PANX1: variants seen among roughly 807,000 people sequenced by gnomAD.
The protein encoded by PANX1 is pannexin 1.
A neutral mutation model predicts 38.7 loss-of-function variants in PANX1; 30 were observed. That is an observed-to-expected ratio of 0.78 (90% CI 0.58 to 1.05). The LOEUF is 1.05. PANX1 is among the 50% of genes least tolerant of loss of function. The probability of loss-of-function intolerance (pLI) is 0.00; values close to 1 mark genes in which losing one functional copy is unlikely to be tolerated. For missense variants in PANX1, 551 were observed against 517.2 expected, an observed-to-expected ratio of 1.07 and a Z score of -0.63; for synonymous variants, 230 against 212.2, an observed-to-expected ratio of 1.08 and a Z score of -0.73.
At chr11:94,134,015 ACACCTGCCT>A (rs71958753) in intron 1 of PANX1, among the ~76,000 whole-genome samples, 7,187 of 152,252 alleles carry the variant, frequency 0.047, 562 homozygotes, top group African/African-American at 0.17. Flanking sequence ...CACCTCCCAG[ACACCTGCCT>A]CTGATGATAG....
At chr11:94,129,874 G>A (rs1946606780) in intron 1 of PANX1, among the ~76,000 whole-genome samples, 1 of 152,186 alleles carries the variant, frequency 6.6e-6, no homozygotes, top group Non-Finnish European at 1.5e-5. Context: ...CACCAGAGAA[G>A]TTCCTGAGTG....
chr11:94,129,218 C>G lies in PANX1; in HGVS notation c.-95C>G. Reference sequence around the variant, plus strand: ...GAGCAGGCAAAGGGAAAGCGAAAGCCGCGCGCCCGGCCGGTGACTGGGTGA... The same window carrying G: ...GAGCAGGCAAAGGGAAAGCGAAAGCGGCGCGCCCGGCCGGTGACTGGGTGA... On this transcript the variant is annotated 5_prime_UTR_variant, in exon 1 of 5. Coordinates refer to ENST00000227638, the MANE Select transcript of PANX1 (RefSeq NM_015368.4). 1 of 1,094,076 alleles carries G rather than the reference C, an allele frequency of 9.1e-7. No individual in the cohort carries two copies. Among genetic ancestry groups the G allele is most frequent in the East Asian group, 2.8e-5 (1 of 36,306 alleles). 67.8% of individuals were successfully genotyped at this position (1,094,076 alleles called of 1,614,324 possible).
At position 94,178,450 on chromosome 11, in the gene PANX1, A is replaced by G. The variant is rs1565386593; in HGVS notation, c.403A>G (p.Ile135Val). The change falls in exon 3 of 5, where the codon ATT becomes GTT. Residue 135 changes from isoleucine (I) to valine (V), a missense_variant. Coordinates refer to ENST00000227638, the MANE Select transcript of PANX1 (RefSeq NM_015368.4). The stretch of plus-strand genomic sequence containing the variant: ...CTGGCGTTTCGCAGCTGCTCCTCAT[A>G]TTTGCTCAGACTTGAAGTTTATCAT... ...LFWRFAAAPH[I>V]CSDLKFIMEE... 6.2e-6 allele frequency: 10 copies of G among 1,613,808 alleles called. No homozygotes were observed. Among genetic ancestry groups the G allele is most frequent in the South Asian group, 2.2e-5 (2 of 91,074 alleles).
chr11:94,171,793 A>G (rs767891277), intron 2 of PANX1, among the ~76,000 whole-genome samples: 6 of 149,202 alleles, frequency 4.0e-5, no homozygotes, highest in Non-Finnish European at 5.9e-5. Context: ...CACTCCATGC[A>G]CTACTGATGA....
chr11:94,158,526 C>A (rs1444549316), intron 2 of PANX1, among the ~76,000 whole-genome samples: 2 of 151,700 alleles, frequency 1.3e-5, no homozygotes, highest in African/African-American at 4.8e-5. Flanking sequence ...AATGGGAGTT[C>A]ACTCATGATT....
intron 2 of PANX1, among the ~76,000 whole-genome samples, chr11:94,171,660 C>T (rs1947168954): frequency 6.6e-6 from 1 of 151,582 alleles, no homozygotes; most frequent in South Asian, 2.1e-4. Flanking sequence ...AGCTCAGTTA[C>T]CCCAAAGAAG....
intron 1 of PANX1, among the ~76,000 whole-genome samples, chr11:94,136,364 TCTC>T (rs1946690426): frequency 6.6e-6 from 1 of 152,198 alleles, no homozygotes; most frequent in African/African-American, 2.4e-5. Context: ...TGATACATGT[TCTC>T]CTAACACTGT....
At position 94,153,609 on chromosome 11, in the gene PANX1, C is replaced by A. The variant is rs564530224; in HGVS notation, c.300C>A (p.Asn100Lys). The change falls in exon 2 of 5, where the codon AAC becomes AAA. Residue 100 changes from asparagine (N) to lysine (K), a missense_variant. Physicochemically the swap from Asn to Lys is moderately conservative, Grantham distance 94. Transcript: ENST00000227638. ...QKNSLQSESG[N>K]LPLWLHKFFP... ...ACTCACTGCAGAGCGAGTCTGGAAA[C>A]CTCCCACTGTGGCTGCATAAGGTAA... 14 of 1,613,872 alleles carry A rather than the reference C, an allele frequency of 8.7e-6. No individual in the cohort carries two copies. In the Admixed American group the frequency reaches 1.3e-4, roughly 15 times the overall value.
In PANX1 at chr11:94,140,282, A is replaced by G. The variant is rs533410504; in HGVS notation, c.181+10789A>G. The stretch of plus-strand genomic sequence containing the variant: ...GGTGTGGCAGTGGAGGGAGTTTTCC[A>G]GGTTAATTTTAATTTGCCAAATGTC... On this transcript the variant is annotated intron_variant, in intron 1 of 4. Transcript: ENST00000227638. Among the ~76,000 whole-genome samples, 315 of 152,300 alleles carry G rather than the reference A, an allele frequency of 2.1e-3. 1 individual carries two copies. The highest frequency in any genetic ancestry group is 7.1e-3 in the African/African-American group (294 of 41,570).
At chr11:94,153,801 G>C (rs935961590) in intron 2 of PANX1, among the ~76,000 whole-genome samples, 171 bp downstream of exon 2, 2 of 152,214 alleles carry the variant, frequency 1.3e-5, no homozygotes, top group Non-Finnish European at 1.5e-5. Context: ...ATGACTTGGT[G>C]TAGGCACCAT....
chr11:94,159,897 G>A (rs1947001962), intron 2 of PANX1, among the ~76,000 whole-genome samples: 1 of 151,536 alleles, frequency 6.6e-6, no homozygotes. Context: ...ACACTGCTTT[G>A]AATGTGTCCC....
intron 2 of PANX1, 127 bp from the exon 3 acceptor site, chr11:94,178,242 G>C (rs1947257485): frequency 2.9e-6 from 2 of 693,232 alleles, no homozygotes; most frequent in South Asian, 1.8e-5. Context: ...GTAGTTATTA[G>C]GTAATGAGCC....
intron 1 of PANX1, among the ~76,000 whole-genome samples, chr11:94,148,616 G>A (rs537689097): frequency 6.6e-6 from 1 of 152,242 alleles, no homozygotes; most frequent in African/African-American, 2.4e-5. Flanking sequence ...AATATAGCCA[G>A]ACCTTTCAAG....
chr11:94,134,738 C>T (rs550827449), intron 1 of PANX1, among the ~76,000 whole-genome samples: 1 of 151,342 alleles, frequency 6.6e-6, no homozygotes, highest in African/African-American at 2.4e-5. Context: ...CTTCCTCTCT[C>T]CACAAGTGCG....
rs1428593215 is a variant in PANX1, at chr11:94,153,487, T to G, written c.182-4T>G. 1 of 1,613,920 alleles carries G rather than the reference T, an allele frequency of 6.2e-7. No individual in the cohort carries two copies. Among genetic ancestry groups the G allele is most frequent in the Non-Finnish European group, 8.5e-7 (1 of 1,179,892 alleles). On this transcript the variant is annotated splice_region_variant and splice_polypyrimidine_tract_variant and intron_variant, in intron 1 of 4. Coordinates refer to ENST00000227638, the MANE Select transcript of PANX1 (RefSeq NM_015368.4). Reference sequence around the variant, plus strand: ...CATTGGAAACTATCTGTTTTGCTTCTTAGGTACACAGATAAGCTGTTTCTC... The same window carrying G: ...CATTGGAAACTATCTGTTTTGCTTCGTAGGTACACAGATAAGCTGTTTCTC...
intron 2 of PANX1, among the ~76,000 whole-genome samples, chr11:94,155,612 G>A (rs1946941015): frequency 6.6e-6 from 1 of 152,146 alleles, no homozygotes; most frequent in Admixed American, 6.5e-5. Context: ...ACATCATAAA[G>A]GTCTTCATCC....
At chr11:94,133,612 A>G (rs1946655498) in intron 1 of PANX1, among the ~76,000 whole-genome samples, 2 of 152,310 alleles carry the variant, frequency 1.3e-5, no homozygotes, top group South Asian at 4.1e-4. Context: ...GTTAGGCCTG[A>G]TACTTCTAGT....
intron 2 of PANX1, among the ~76,000 whole-genome samples, chr11:94,159,329 A>G (rs1207993177): frequency 1.3e-5 from 2 of 152,182 alleles, no homozygotes. Context: ...AAGGAATGGT[A>G]ACAGCTCCTC....
At chr11:94,151,807 C>T (rs1946885415) in intron 1 of PANX1, among the ~76,000 whole-genome samples, 1 of 152,140 alleles carries the variant, frequency 6.6e-6, no homozygotes, top group South Asian at 2.1e-4. Context: ...CAAGAACTAC[C>T]CCATTATAGA....
Sources: gnomAD v4.1 joint callset for allele counts (sites outside exome capture counted in the v4.1 genomes callset) on GRCh38, gnomAD v4.1.1 for gene constraint, MANE v1.5 for transcripts, NCBI Gene and HGNC (gene_info 2026-07-23, HGNC 2026-07-21) for gene names.